The following STARD8 variants were observed in gnomAD, a reference collection of about 807,000 sequenced individuals.
STARD8 encodes the protein stAR-related lipid transfer protein 8.
In STARD8, 25 loss-of-function variants were observed where a neutral mutation model predicts 69.4. The ratio of observed to expected loss-of-function variants is 0.36; its 90% CI spans 0.26 to 0.50. The LOEUF (loss-of-function observed/expected upper bound fraction) is 0.50. Ranked by LOEUF, STARD8 falls within the 20% of genes least tolerant of loss-of-function variation. The probability of loss-of-function intolerance (pLI) is 0.96; values close to 1 mark genes in which losing one functional copy is unlikely to be tolerated. For synonymous variants in STARD8, 389 were observed against 374.6 expected (o/e 1.04, Z -0.45); for missense variants, 921 against 932.5 (o/e 0.99, Z 0.16).
chrX:68,653,166 CCACA>C (rs1238055441), intron 1 of STARD8, among the ~76,000 whole-genome samples: 1 of 18,420 alleles, frequency 5.4e-5, no homozygotes, highest in African/African-American at 2.2e-4. Flanking sequence ...AACACACACA[CCACA>C]CACACACAAC....
rs543483825 is a variant in STARD8 at position 68,714,822 on chromosome X, T to G, written c.152-472T>G. Among the ~76,000 whole-genome samples the G allele has an allele frequency of 2.6e-4, 29 of 111,553 alleles. 1 individual carries two copies. The South Asian group carries it at 0.011, about 43-fold the overall frequency. ...TCCCCCAACTCCTTTCTTTCCCCTC[T>G]CCCCTCCCTAAGTCCCAGGGAGTGT... is the stretch of plus-strand genomic sequence containing the variant. On this transcript the variant is annotated intron_variant, in intron 3 of 14. Transcript: ENST00000374599.
rs927188391 is a variant in STARD8, at chrX:68,723,787, C to T, written c.2961C>T (p.Tyr987=). The change falls in exon 13 of 15, where the codon TAC becomes TAT. Residue 987 remains tyrosine, a synonymous_variant. Coordinates refer to ENST00000374599, the MANE Select transcript of STARD8 (RefSeq NM_001142503.3). ...LEALMPGVEL[Y]HYVTDSMAPH... ...CCCTGATGCCGGGTGTGGAGCTGTA[C>T]CACTATGTCACCGACAGCATGGCAC... 1.4e-5 allele frequency: 17 copies of T among 1,179,173 alleles called. No individual in the cohort carries two copies. Among genetic ancestry groups the T allele is most frequent in the Admixed American group, 9.8e-5 (4 of 40,621 alleles).
At chrX:68,660,472 G>T (rs778114360) in intron 1 of STARD8, among the ~76,000 whole-genome samples, 2 of 111,657 alleles carry the variant, frequency 1.8e-5, no homozygotes, top group South Asian at 7.6e-4. Context: ...CCGAACATGA[G>T]CATATGTCTC....
chrX:68,676,952 C>T (rs958812108), intron 2 of STARD8, among the ~76,000 whole-genome samples: 4 of 108,783 alleles, frequency 3.7e-5, no homozygotes, highest in Non-Finnish European at 7.6e-5. Flanking sequence ...TTGAGACCAG[C>T]CTGGGCAACA....
At chrX:68,699,577 A>G in intron 2 of STARD8, among the ~76,000 whole-genome samples, 1 of 110,525 alleles carries the variant, frequency 9.0e-6, no homozygotes, top group Non-Finnish European at 1.9e-5. Context: ...TGTCTTCTCT[A>G]GGCCAAACAA....
chrX:68,707,602 C>T (rs1373658118), intron 2 of STARD8, among the ~76,000 whole-genome samples: 1 of 111,568 alleles, frequency 9.0e-6, no homozygotes, highest in Non-Finnish European at 1.9e-5. Flanking sequence ...TAAAAGCTCC[C>T]CAGGAGATTT....
At chrX:68,654,603 A>C (rs1438394528) in intron 1 of STARD8, among the ~76,000 whole-genome samples, 1 of 111,615 alleles carries the variant, frequency 9.0e-6, no homozygotes, top group East Asian at 2.8e-4. Context: ...ATTCTCAAGC[A>C]CCATCTCCTG....
At chrX:68,683,628 A>G (rs952022981) in intron 2 of STARD8, among the ~76,000 whole-genome samples, 2 of 112,242 alleles carry the variant, frequency 1.8e-5, no homozygotes, top group East Asian at 5.6e-4. Flanking sequence ...TTTTAATAAG[A>G]AAACAAGGAT....
intron 2 of STARD8, chrX:68,693,522 A>G: frequency 2.2e-6 from 1 of 460,145 alleles, no homozygotes. Flanking sequence ...TGCCCCGCCC[A>G]CCCAGATTTG....
chrX:68,668,106 TTTC>T (rs1183246228), intron 2 of STARD8, among the ~76,000 whole-genome samples: 1 of 102,480 alleles, frequency 9.8e-6, no homozygotes, highest in Non-Finnish European at 2.0e-5. Flanking sequence ...TCTTTCTTTC[TTTC>T]TTTCTGTCTT....
At chrX:68,667,204 A>G (rs2079689204) in intron 2 of STARD8, among the ~76,000 whole-genome samples, 1 of 112,328 alleles carries the variant, frequency 8.9e-6, no homozygotes, top group Non-Finnish European at 1.9e-5. Flanking sequence ...AAACAATCTG[A>G]CATAAATTAT....
chrX:68,684,562 G>C (rs980728402), intron 2 of STARD8, among the ~76,000 whole-genome samples: 6 of 112,628 alleles, frequency 5.3e-5, no homozygotes, highest in African/African-American at 9.7e-5. Flanking sequence ...CGGGCGGCGT[G>C]GGGGAGGGGG....
intron 2 of STARD8, among the ~76,000 whole-genome samples, chrX:68,673,930 C>T (rs1002451497): frequency 2.1e-4 from 23 of 111,605 alleles, no homozygotes; most frequent in African/African-American, 7.5e-4. Context: ...TTGTTTTTTT[C>T]CAAAAAGATC....
intron 2 of STARD8, among the ~76,000 whole-genome samples, chrX:68,695,155 G>A (rs1354164310): frequency 9.4e-6 from 1 of 106,462 alleles, no homozygotes; most frequent in Non-Finnish European, 1.9e-5. Flanking sequence ...GAATGAAAGG[G>A]GGACAAATCT....
In STARD8 at chrX:68,724,403, G is replaced by T; in HGVS notation, c.3293G>T (p.Gly1098Val). 1.7e-6 allele frequency: 2 copies of T among 1,204,306 alleles called. No homozygotes were observed. Among genetic ancestry groups the T allele is most frequent in the Non-Finnish European group, 1.1e-6 (1 of 891,580 alleles). Reference sequence around the variant, plus strand: ...TCCTTCCCCACCCTGCAGGCAGCGGGCCCTGAGACAAAGCTGTGAGCCTTG... The same window carrying T: ...TCCTTCCCCACCCTGCAGGCAGCGGTCCCTGAGACAAAGCTGTGAGCCTTG... ...RDSFPTLQAAGPETKL is the reference protein window; with the variant it reads ...RDSFPTLQAAVPETKL The change falls in exon 15 of 15, where the codon GGC becomes GTC. Residue 1098 changes from glycine (G) to valine (V), a missense_variant. By Grantham distance (109) the Gly-to-Val change is moderately radical (BLOSUM62 -3). Transcript: ENST00000374599.
chrX:68,679,082 T>A (rs921971017), intron 2 of STARD8, among the ~76,000 whole-genome samples: 1 of 112,290 alleles, frequency 8.9e-6, no homozygotes, highest in South Asian at 3.7e-4. Flanking sequence ...AGATGCTGTT[T>A]TAAGTGTTTT....
At chrX:68,672,422 C>T (rs2079733939) in intron 2 of STARD8, among the ~76,000 whole-genome samples, 1 of 111,948 alleles carries the variant, frequency 8.9e-6, no homozygotes, top group Admixed American at 9.5e-5. Context: ...CTCTACTCAT[C>T]TATAATGCGC....
chrX:68,707,582 G>A (rs759946955), intron 2 of STARD8, among the ~76,000 whole-genome samples: 1 of 111,600 alleles, frequency 9.0e-6, no homozygotes, highest in Admixed American at 9.5e-5. Flanking sequence ...TCATGGGTGG[G>A]GCCCATTAGT....
At chrX:68,724,194 G>A (rs1488311193) in intron 14 of STARD8, 73 bp downstream of exon 14, 1 of 1,174,303 alleles carries the variant, frequency 8.5e-7, no homozygotes, top group South Asian at 1.9e-5. Context: ...CCTACTTTCT[G>A]CCCCATGCTA....
Sources: allele counts gnomAD v4.1 joint callset (sites outside exome capture counted in the v4.1 genomes callset), GRCh38; gene constraint gnomAD v4.1.1; transcripts MANE v1.5; gene names NCBI Gene and HGNC (gene_info 2026-07-23, HGNC 2026-07-21).